FBXW8: variants seen among roughly 807,000 people sequenced by gnomAD.
FBXW8 encodes F-box/WD repeat-containing protein 8.
Under a neutral mutation model 65.3 loss-of-function variants are expected in FBXW8, and 57 were observed. The observed-to-expected ratio is 0.87, with a 90% CI of 0.71 to 1.09. The LOEUF is 1.09. Ranked by LOEUF, FBXW8 falls within the 50% of genes least tolerant of loss-of-function variation. The pLI, the probability that FBXW8 is intolerant of heterozygous loss-of-function variation, is 0.00. For synonymous variants in FBXW8, 308 were observed against 330.2 expected (o/e 0.93, Z 0.73); for missense variants, 777 against 814.8 (o/e 0.95, Z 0.57).
At chr12:117,005,911 G>A (rs1174412730) in intron 7 of FBXW8, among the ~76,000 whole-genome samples, 3 of 152,196 alleles carry the variant, frequency 2.0e-5, no homozygotes, top group African/African-American at 4.8e-5. Context: ...TCTTCCTCTC[G>A]TGCCTCTTCT....
intron 5 of FBXW8, among the ~76,000 whole-genome samples, chr12:116,972,035 T>G (rs936591643): frequency 1.3e-5 from 2 of 152,234 alleles, no homozygotes; most frequent in African/African-American, 4.8e-5. Flanking sequence ...TAAATTGAAA[T>G]ATTTTTTCTC....
chr12:117,021,712 C>G (rs1023765590), intron 8 of FBXW8, among the ~76,000 whole-genome samples: 2 of 152,192 alleles, frequency 1.3e-5, no homozygotes, highest in Admixed American at 6.5e-5. Context: ...ACTGTCCCTT[C>G]TCACTGATAA....
chr12:117,017,733 A>C (rs1333022358), intron 8 of FBXW8, among the ~76,000 whole-genome samples: 1 of 152,188 alleles, frequency 6.6e-6, no homozygotes, highest in African/African-American at 2.4e-5. Context: ...TTCTGGGTAG[A>C]AATATTAGCA....
At chr12:117,016,638 T>G (rs1953953634) in intron 8 of FBXW8, among the ~76,000 whole-genome samples, 1 of 150,976 alleles carries the variant, frequency 6.6e-6, no homozygotes, top group Non-Finnish European at 1.5e-5. Flanking sequence ...GTTCTATTTG[T>G]CTGGTTTTTT....
intron 5 of FBXW8, among the ~76,000 whole-genome samples, chr12:116,977,008 G>A (rs551362114): frequency 5.6e-4 from 86 of 152,256 alleles, no homozygotes; most frequent in African/African-American, 2.0e-3. Flanking sequence ...AGGGAGACCC[G>A]AGAGCCCCAC....
chr12:116,953,886 C>T (rs972244208), intron 4 of FBXW8, among the ~76,000 whole-genome samples: 13 of 151,990 alleles, frequency 8.6e-5, no homozygotes, highest in African/African-American at 1.9e-4. Context: ...GAGGCCTAGG[C>T]GGGCAGATCA....
At chr12:116,987,822 C>T (rs1885834061) in intron 6 of FBXW8, among the ~76,000 whole-genome samples, 1 of 152,164 alleles carries the variant, frequency 6.6e-6, no homozygotes, top group South Asian at 2.1e-4. Flanking sequence ...GAAATCTCCC[C>T]ATCTCATAAT....
chr12:116,975,255 T>C (rs1408258785), intron 5 of FBXW8, among the ~76,000 whole-genome samples: 4 of 152,180 alleles, frequency 2.6e-5, no homozygotes, highest in East Asian at 1.9e-4. Flanking sequence ...TGGGCTGTTA[T>C]AACAAAACAG....
intron 7 of FBXW8, among the ~76,000 whole-genome samples, chr12:117,002,142 G>A (rs1953538662): frequency 6.6e-6 from 1 of 152,210 alleles, no homozygotes; most frequent in African/African-American, 2.4e-5. Context: ...AAGCCCCCAT[G>A]TTTGGCACAG....
chr12:116,959,664 A>T (rs1476064048), intron 4 of FBXW8, among the ~76,000 whole-genome samples: 2 of 152,192 alleles, frequency 1.3e-5, no homozygotes, highest in Admixed American at 1.3e-4. Flanking sequence ...CCTTAGTCCA[A>T]TAAGTAGTCT....
Position 116,945,373 on chromosome 12 carries a change from A to C in FBXW8, c.433A>C (p.Thr145Pro). 6.2e-7 allele frequency: 1 copy of C among 1,611,384 alleles called. No individual in the cohort carries two copies. The highest frequency in any genetic ancestry group is 8.5e-7 in the Non-Finnish European group (1 of 1,178,352). The change falls in exon 3 of 11, where the codon ACG (threonine) becomes CCG (proline). Residue 145 changes from threonine (T) to proline (P), a missense_variant. Transcript: ENST00000652555. ...ELGRCAQVSKTWKVIAEDEVL... is the reference protein window; with the variant it reads ...ELGRCAQVSKPWKVIAEDEVL... ...ACTTCTGCTGTTTTAGGTGAGCAAG[A>C]CGTGGAAGGTGATTGCAGAGGATGA...
intron 1 of FBXW8, among the ~76,000 whole-genome samples, chr12:116,917,704 C>T (rs1880543749): frequency 6.6e-6 from 1 of 152,144 alleles, no homozygotes. Context: ...CATGAAAACG[C>T]AGGACTCACT....
chr12:116,974,441 G>A (rs1029160765), intron 5 of FBXW8, among the ~76,000 whole-genome samples: 4 of 152,132 alleles, frequency 2.6e-5, no homozygotes, highest in African/African-American at 9.7e-5. Context: ...TTAGTAATGG[G>A]GCTAATTCAG....
intron 1 of FBXW8, among the ~76,000 whole-genome samples, chr12:116,912,856 C>A (rs1880103622): frequency 6.6e-6 from 1 of 152,150 alleles, no homozygotes; most frequent in African/African-American, 2.4e-5. Flanking sequence ...TTAATAGCTA[C>A]TATTTGAGTT....
chr12:116,949,664 T>C lies in FBXW8; in HGVS notation c.635T>C (p.Val212Ala). ...GAGCTGGAGCATGTTCCTGACACAG[T>C]TTTGTGTGATGTGCATTCTCACGAT... ...VSELEHVPDT[V>A]LCDVHSHDGV... Residue 212 changes from valine to alanine, a missense_variant, in exon 4 of 11, where the codon GTT (valine) becomes GCT (alanine). Coordinates refer to ENST00000652555, the MANE Select transcript of FBXW8 (RefSeq NM_153348.3). 6.2e-7 allele frequency: 1 copy of C among 1,614,090 alleles called. No individual in the cohort carries two copies. Among genetic ancestry groups the C allele is most frequent in the Non-Finnish European group, 8.5e-7 (1 of 1,179,998 alleles).
chr12:117,009,125 A>C (rs1002266784), intron 7 of FBXW8, among the ~76,000 whole-genome samples: 1 of 152,234 alleles, frequency 6.6e-6, no homozygotes. Flanking sequence ...TAATCCCAGC[A>C]CTTTGGGAGG....
intron 2 of FBXW8, among the ~76,000 whole-genome samples, chr12:116,935,689 A>G (rs1181075376): frequency 2.0e-5 from 3 of 152,238 alleles, no homozygotes; most frequent in African/African-American, 7.2e-5. Flanking sequence ...ACATTGAGCT[A>G]AGTGGTGGGT....
chr12:116,993,818 C>T (rs1341544543), intron 7 of FBXW8, among the ~76,000 whole-genome samples: 1 of 152,076 alleles, frequency 6.6e-6, no homozygotes, highest in Non-Finnish European at 1.5e-5. Flanking sequence ...TTTGCCTAGG[C>T]CAATGTCCAG....
chr12:117,018,088 G>A (rs1290580738), intron 8 of FBXW8, among the ~76,000 whole-genome samples: 1 of 152,154 alleles, frequency 6.6e-6, no homozygotes, highest in Non-Finnish European at 1.5e-5. Flanking sequence ...GTTCCAGCAC[G>A]TTTTCCTGCC....
Sources: allele counts gnomAD v4.1 joint callset (sites outside exome capture counted in the v4.1 genomes callset), GRCh38; gene constraint gnomAD v4.1.1; transcripts MANE v1.5; gene names NCBI Gene and HGNC (gene_info 2026-07-23, HGNC 2026-07-21).